Variants in SMCHD1 observed in about 807,000 individuals in gnomAD.
The protein encoded by SMCHD1 is structural maintenance of chromosomes flexible hinge domain containing 1.
SMCHD1 carries 78 observed loss-of-function variants against 254.7 expected under a neutral mutation model. The observed-to-expected ratio is 0.31, with a 90% CI of 0.26 to 0.37. SMCHD1 has a LOEUF of 0.37. Ranked by LOEUF, SMCHD1 falls within the 10% of genes least tolerant of loss-of-function variation. SMCHD1 has a pLI of 1.00. For synonymous variants in SMCHD1, 766 were observed against 794.9 expected, an observed-to-expected ratio of 0.96 and a Z score of 0.61; for missense variants, 1,840 against 2,408.1, an observed-to-expected ratio of 0.76 and a Z score of 4.94.
At chr18:2,693,582 A>G (rs867582488) in intron 7 of SMCHD1, among the ~76,000 whole-genome samples, 1 of 152,244 alleles carries the variant, frequency 6.6e-6, no homozygotes, top group Non-Finnish European at 1.5e-5. Flanking sequence ...ATGACTGTAT[A>G]TGAATACACA....
chr18:2,658,284 ACT>A (rs1430243492), intron 1 of SMCHD1, among the ~76,000 whole-genome samples: 6 of 152,114 alleles, frequency 3.9e-5, no homozygotes, highest in Non-Finnish European at 7.4e-5. Context: ...TGTCTCAGTA[ACT>A]CTTAGATAAA....
intron 25 of SMCHD1, among the ~76,000 whole-genome samples, chr18:2,735,476 A>G (rs1034388520): frequency 6.6e-6 from 1 of 152,204 alleles, no homozygotes; most frequent in African/African-American, 2.4e-5. Flanking sequence ...CAAATAGGAA[A>G]AGAAGTCAAA....
intron 45 of SMCHD1, among the ~76,000 whole-genome samples, chr18:2,788,127 C>T (rs948255962): frequency 6.6e-6 from 1 of 152,080 alleles, no homozygotes; most frequent in African/African-American, 2.4e-5. Context: ...AGAGCAAAAG[C>T]AATTTTGAGG....
chr18:2,802,387 T>G (rs1297996714), intron 47 of SMCHD1, 141 bp from the exon 48 acceptor site: 3 of 632,930 alleles, frequency 4.7e-6, no homozygotes, highest in Non-Finnish European at 8.0e-6. Flanking sequence ...TATAAGGATT[T>G]AATTAAATCT....
chr18:2,672,491 G>C (rs1014866848), intron 3 of SMCHD1, among the ~76,000 whole-genome samples: 1 of 152,212 alleles, frequency 6.6e-6, no homozygotes, highest in Admixed American at 6.5e-5. Context: ...GCCTCCCAAA[G>C]TGTTGAGATT....
chr18:2,728,434 T>G (rs761243910), intron 22 of SMCHD1, 23 bp from the exon 23 acceptor site: 5 of 1,608,742 alleles, frequency 3.1e-6, no homozygotes, highest in Non-Finnish European at 4.2e-6. Flanking sequence ...GAATATGTAT[T>G]TCATTGTATA....
In SMCHD1 at chr18:2,718,936, A is replaced by G. The variant is rs561920777; in HGVS notation, c.2458+502A>G. 2.6e-5 allele frequency among the ~76,000 whole-genome samples: 4 copies of G among 152,032 alleles called. No individual in the cohort carries two copies. The highest frequency in any genetic ancestry group is 1.3e-4 in the Admixed American group (2 of 15,244). ...TTGAAGACATTGTTTTCTACTTTTC[A>G]TTGTTGCTGGTAAAGTCTAAAGCTG... On this transcript the variant is annotated intron_variant, in intron 19 of 47. Coordinates refer to ENST00000320876, the MANE Select transcript of SMCHD1 (RefSeq NM_015295.3). The surrounding 1 kb of genome is among the most constrained non-coding windows in gnomAD (Gnocchi z 4.6).
chr18:2,708,164 T>C (rs572923176), intron 17 of SMCHD1, among the ~76,000 whole-genome samples: 43 of 152,328 alleles, frequency 2.8e-4, no homozygotes, highest in Middle Eastern at 3.4e-3. Context: ...AAAGGCATGA[T>C]ACATATATGT....
chr18:2,681,441 CA>C (rs1313523676), intron 5 of SMCHD1, among the ~76,000 whole-genome samples: 3 of 147,694 alleles, frequency 2.0e-5, no homozygotes, highest in African/African-American at 7.5e-5. Flanking sequence ...GAAAATTAGC[CA>C]GGTGTTGTGG....
At chr18:2,662,667 C>CAAAAAAAAAAAAAAAA (rs745838636) in intron 1 of SMCHD1, among the ~76,000 whole-genome samples, 5 of 35,680 alleles carry the variant, frequency 1.4e-4, no homozygotes, top group Non-Finnish European at 2.0e-4. Context: ...AACAAAAAAC[C>CAAAAAAAAAAAAAAAA]AAAAAAAAAA....
At chr18:2,749,950 G>T in intron 30 of SMCHD1, 93 bp from the exon 31 acceptor site, 1 of 1,105,902 alleles carries the variant, frequency 9.0e-7, no homozygotes. Context: ...TTTTAAAATA[G>T]GAATAGAGGG....
chr18:2,739,559 A>G (rs1555644366), intron 27 of SMCHD1, 39 bp downstream of exon 27: 1 of 1,505,596 alleles, frequency 6.6e-7, no homozygotes, highest in Non-Finnish European at 9.2e-7. Flanking sequence ...CAACAAAAAA[A>G]TCTTCTGTGA....
chr18:2,675,289 G>C (rs1180287195), intron 5 of SMCHD1, among the ~76,000 whole-genome samples: 12 of 128,216 alleles, frequency 9.4e-5, no homozygotes, highest in African/African-American at 3.1e-4. Context: ...TTTGGAGACA[G>C]AGTCTCGCTC....
chr18:2,688,673 CT>C lies in SMCHD1; in HGVS notation c.802del (p.Ser268LeufsTer44). 1 of 1,558,748 alleles carries C rather than the reference CT, an allele frequency of 6.4e-7. No homozygotes were observed. Among genetic ancestry groups the C allele is most frequent in the Non-Finnish European group, 8.7e-7 (1 of 1,149,240 alleles). On this transcript the variant is annotated frameshift_variant, in exon 7 of 48. Transcript: ENST00000320876. LOFTEE classifies it high-confidence loss of function. ...ADSQDVHELV[L>X]SKEDFEKKEK... is the part of the protein sequence containing the mutation. ...TTCCCAAGATGTTCACGAGCTTGTG[CT>C]TTCTAAAGAAGATTTTGAGAAGAAG...
intron 5 of SMCHD1, among the ~76,000 whole-genome samples, chr18:2,678,281 C>T (rs62084197): frequency 0.56 from 53,533 of 94,892 alleles, 18,798 homozygotes; most frequent in East Asian, 0.79. Flanking sequence ...CTCCCTCTCT[C>T]TCTTTCTTTC....
intron 5 of SMCHD1, among the ~76,000 whole-genome samples, chr18:2,676,808 G>A (rs546610744): frequency 6.6e-6 from 1 of 152,232 alleles, no homozygotes; most frequent in Admixed American, 6.5e-5. Context: ...TGAATCATTT[G>A]AAAGTACACT....
chr18:2,754,195 ATCT>A (rs2075629694), intron 34 of SMCHD1, among the ~76,000 whole-genome samples: 1 of 152,062 alleles, frequency 6.6e-6, no homozygotes, highest in South Asian at 2.1e-4. Flanking sequence ...TTTATAGTTG[ATCT>A]TCTTTGTGTC....
intron 5 of SMCHD1, among the ~76,000 whole-genome samples, chr18:2,678,671 A>G (rs1476219009): frequency 6.6e-6 from 1 of 151,668 alleles, no homozygotes; most frequent in Non-Finnish European, 1.5e-5. Context: ...TTATTTCTTC[A>G]TGTGTATTTG....
rs187351755 is a variant in SMCHD1, at chr18:2,736,784, C to T, written c.3277-1613C>T. On this transcript the variant is annotated intron_variant, in intron 25 of 47. Transcript: ENST00000320876. ...GCAAGATTTTGGAGAAAAGGGAACA[C>T]TTATGCACTGTCGGTTGGACTGTAA... 4.2e-3 allele frequency among the ~76,000 whole-genome samples: 635 copies of T among 152,270 alleles called. 1 individual carries two copies. The highest frequency in any genetic ancestry group is 0.01 in the Middle Eastern group (3 of 294).
Sources: gnomAD v4.1 joint callset for allele counts (sites outside exome capture counted in the v4.1 genomes callset) on GRCh38, gnomAD v4.1.1 for gene constraint, Gnocchi (gnomAD v3.1) non-coding constraint, MANE v1.5 for transcripts, NCBI Gene and HGNC (gene_info 2026-07-23, HGNC 2026-07-21) for gene names.